The following DNAH5 variants were observed in gnomAD, a reference collection of about 807,000 sequenced individuals.
The protein encoded by DNAH5 is axonemal beta dynein heavy chain 5.
In DNAH5, 372 loss-of-function variants were observed where a neutral mutation model predicts 518.2. The observed-to-expected ratio is 0.72, with a 90% CI of 0.66 to 0.78. The LOEUF is 0.78. Among genes scored for constraint, DNAH5 ranks in the 30% least tolerant of loss-of-function variants. The pLI is 0.00. For missense variants in DNAH5, 5,523 were observed against 5,687.0 expected (o/e 0.97, Z 0.93); for synonymous variants, 2,039 against 2,025.9 (o/e 1.01, Z -0.17).
intron 44 of DNAH5, 35 bp from the exon 45 acceptor site, chr5:13,810,295 A>T (rs758340819): frequency 3.9e-6 from 6 of 1,533,856 alleles, no homozygotes; most frequent in Non-Finnish European, 5.3e-6. Flanking sequence ...TAATAACTTG[A>T]TTCTGAAACC....
intron 1 of DNAH5, among the ~76,000 whole-genome samples, chr5:13,957,987 C>A (rs1393273163): frequency 6.6e-6 from 1 of 151,374 alleles, no homozygotes; most frequent in African/African-American, 2.4e-5. Context: ...TGTATATATA[C>A]CTTTATTTTT....
At position 13,830,118 on chromosome 5, in the gene DNAH5, G is replaced by C. The variant is rs1207803525; in HGVS notation, c.6157C>G (p.Leu2053Val). The C allele has an allele frequency of 1.9e-6, 3 of 1,613,742 alleles. No homozygotes were observed. The highest frequency in any genetic ancestry group is 2.5e-6 in the Non-Finnish European group (3 of 1,179,810). Residue 2053 changes from leucine (L) to valine (V), a missense_variant, in exon 37 of 79, where the codon CTG (leucine) becomes GTG (valine). By Grantham distance (32) the Leu-to-Val change is conservative (BLOSUM62 1). This residue lies in a region of DNAH5 where 5,121 missense variants were observed against 5,223.3 expected (regional missense o/e 0.98). Coordinates refer to ENST00000265104, the MANE Select transcript of DNAH5 (RefSeq NM_001369.3). ...TTTTTGTGCTCCTTTTTACATGTCA[G>C]AATAATGGAAATTTGCTGGGCTGCA... is the stretch of plus-strand genomic sequence containing the variant. The part of the protein sequence containing the change: ...SVAAQQISII[L>V]TCKKEHKKSF...
At chr5:13,894,407 C>T (rs1391322175) in intron 16 of DNAH5, among the ~76,000 whole-genome samples, 1 of 151,998 alleles carries the variant, frequency 6.6e-6, no homozygotes, top group Non-Finnish European at 1.5e-5. Context: ...ATCCTAATGT[C>T]CAAAAATACA....
At chr5:13,878,559 C>A (rs1048300998) in intron 21 of DNAH5, among the ~76,000 whole-genome samples, 3 of 152,128 alleles carry the variant, frequency 2.0e-5, no homozygotes. Context: ...CTCTGGCTCC[C>A]CTAGTGATAA....
chr5:13,804,818 A>T (rs1759322956), intron 47 of DNAH5, among the ~76,000 whole-genome samples: 1 of 152,230 alleles, frequency 6.6e-6, no homozygotes. Context: ...GAAATTTATT[A>T]TATGGTTTAT....
At chr5:13,765,279 T>G (rs1214906119) in intron 59 of DNAH5, among the ~76,000 whole-genome samples, 1 of 152,176 alleles carries the variant, frequency 6.6e-6, no homozygotes, top group East Asian at 1.9e-4. Context: ...TACAGCACAT[T>G]TATATACTGG....
chr5:13,716,556 A>G lies in DNAH5; in HGVS notation c.12840T>C (p.Asp4280=). 6.2e-7 allele frequency: 1 copy of G among 1,613,954 alleles called. No individual in the cohort carries two copies. The highest frequency in any genetic ancestry group is 1.1e-5 in the South Asian group (1 of 91,076). Reference sequence around the variant, plus strand: ...TATTGTATCCTTGGTAAAAACTGAAATCTGGTCCAAACATATTTTCACTGA... The same window carrying G: ...TATTGTATCCTTGGTAAAAACTGAAGTCTGGTCCAAACATATTTTCACTGA... ...VWFSENMFGP[D]FSFYQGYNIP... Residue 4280 remains aspartate (D), a synonymous_variant, in exon 74 of 79, where the codon GAT becomes GAC. Coordinates refer to ENST00000265104, the MANE Select transcript of DNAH5 (RefSeq NM_001369.3).
intron 12 of DNAH5, among the ~76,000 whole-genome samples, chr5:13,904,403 G>GAT (rs1051523664): frequency 6.8e-6 from 1 of 147,796 alleles, no homozygotes; most frequent in Admixed American, 6.8e-5. Context: ...ATAAATTATA[G>GAT]ATATATATAT....
rs1476497466 is a variant in DNAH5, at chr5:13,928,197, C to A, written c.193-19G>T. 6.3e-7 allele frequency: 1 copy of A among 1,591,796 alleles called. No individual in the cohort carries two copies. On this transcript the variant is annotated intron_variant, in intron 2 of 78. Transcript: ENST00000265104. ...TTTCAATCTGGGAAAAAGAAAAAGG[C>A]AAGATAATGATTTTCAATCCAAATT...
At chr5:13,908,754 G>A (rs1020441936) in intron 12 of DNAH5, among the ~76,000 whole-genome samples, 1 of 152,110 alleles carries the variant, frequency 6.6e-6, no homozygotes, top group South Asian at 2.1e-4. Context: ...GTACCAGCAC[G>A]AACCCTAAAT....
rs115052589 is a variant in DNAH5, at chr5:13,935,097, C to T, written c.58-3853G>A. On this transcript the variant is annotated intron_variant, in intron 1 of 78. Coordinates refer to ENST00000265104, the MANE Select transcript of DNAH5 (RefSeq NM_001369.3). ...CAACAACACAAAGAGATGGCAAATGCTTGGTAGCCAAAACTAAAAATAAAA... is the reference window on the plus strand; with the variant it reads ...CAACAACACAAAGAGATGGCAAATGTTTGGTAGCCAAAACTAAAAATAAAA... 2.3e-3 allele frequency among the ~76,000 whole-genome samples: 346 copies of T among 152,232 alleles called. 4 individuals carry two copies. The highest frequency in any genetic ancestry group is 7.8e-3 in the African/African-American group (325 of 41,540).
chr5:13,717,265 G>T, intron 73 of DNAH5, 50 bp downstream of exon 73: 1 of 1,538,602 alleles, frequency 6.5e-7, no homozygotes, highest in Non-Finnish European at 8.9e-7. Flanking sequence ...TGAGCTTGAT[G>T]GCCCAAGCCC....
intron 1 of DNAH5, among the ~76,000 whole-genome samples, chr5:13,982,555 C>A (rs1334146313): frequency 7.5e-6 from 1 of 133,034 alleles, no homozygotes; most frequent in African/African-American, 2.5e-5. Context: ...TGCATTATTG[C>A]ATGAGTGAGT....
In DNAH5 at chr5:13,867,992, C is replaced by T. The variant is rs267600369; in HGVS notation, c.3835G>A (p.Glu1279Lys). ...SIDFQVGPIE[E>K]SYALLNRYGL... is the part of the protein sequence containing the mutation. ...TATCTGTTAAGCAGGGCATAAGATT[C>T]CTAAAAAAAAATAGGAAAAACTTAA... The change falls in exon 25 of 79, where the codon GAA (glutamate) becomes AAA (lysine). Residue 1279 changes from glutamate to lysine, a missense_variant and splice_region_variant. By Grantham distance (56) the Glu-to-Lys change is moderately conservative. Coordinates refer to ENST00000265104, the MANE Select transcript of DNAH5 (RefSeq NM_001369.3). The T allele has an allele frequency of 6.3e-7, 1 of 1,586,762 alleles. No individual in the cohort carries two copies. Among genetic ancestry groups the T allele is most frequent in the African/African-American group, 1.4e-5 (1 of 70,140 alleles).
intron 17 of DNAH5, among the ~76,000 whole-genome samples, chr5:13,889,072 A>C (rs192321312): frequency 3.9e-5 from 6 of 152,350 alleles, no homozygotes; most frequent in African/African-American, 1.4e-4. Context: ...ATATATATGG[A>C]GTAGAGATCG....
At chr5:13,864,676 G>A in intron 27 of DNAH5, 39 bp from the exon 28 acceptor site, 1 of 1,612,496 alleles carries the variant, frequency 6.2e-7, no homozygotes, top group Non-Finnish European at 8.5e-7. Flanking sequence ...ATTGAAATAT[G>A]ATGGTAGACA....
chr5:13,695,196 C>T (rs147102192), intron 78 of DNAH5, among the ~76,000 whole-genome samples: 39 of 152,312 alleles, frequency 2.6e-4, no homozygotes, highest in African/African-American at 7.5e-4. Context: ...TCCAAAGCCA[C>T]GTGACTAATG....
intron 7 of DNAH5, 95 bp downstream of exon 7, chr5:13,919,081 T>C (rs570232569): frequency 3.5e-6 from 5 of 1,441,552 alleles, no homozygotes; most frequent in South Asian, 3.4e-5. Flanking sequence ...CAAGGTATAA[T>C]AACATTTTTT....
At chr5:13,922,685 G>A (rs969017493) in intron 4 of DNAH5, among the ~76,000 whole-genome samples, 8 of 144,740 alleles carry the variant, frequency 5.5e-5, no homozygotes, top group Non-Finnish European at 1.0e-4. Context: ...CCAAGATGGC[G>A]CCACTGCACT....
Sources: gnomAD v4.1 joint callset for allele counts (sites outside exome capture counted in the v4.1 genomes callset) on GRCh38, gnomAD v4.1.1 for gene constraint, gnomAD v4.1.1 regional missense constraint, MANE v1.5 for transcripts, NCBI Gene and HGNC (gene_info 2026-07-23, HGNC 2026-07-21) for gene names.